The following CASK variants were observed in gnomAD, a reference collection of about 807,000 sequenced individuals.
The protein encoded by CASK is peripheral plasma membrane protein CASK.
Under a neutral mutation model 82.9 loss-of-function variants are expected in CASK, and 4 were observed. That is an observed-to-expected ratio of 0.05 (90% confidence interval 0.02 to 0.11). The LOEUF (loss-of-function observed/expected upper bound fraction) is 0.11. Among genes scored for constraint, CASK ranks in the 10% least tolerant of loss-of-function variants. CASK has a pLI of 1.00. For synonymous variants in CASK, 259 were observed against 253.5 expected, an observed-to-expected ratio of 1.02 and a Z score of -0.20; for missense variants, 358 against 720.9, an observed-to-expected ratio of 0.50 and a Z score of 5.76.
intron 5 of CASK, among the ~76,000 whole-genome samples, chrX:41,702,307 C>T (rs1300762186): frequency 9.1e-6 from 1 of 110,273 alleles, no homozygotes; most frequent in East Asian, 2.8e-4. Flanking sequence ...ATCGCTTGAA[C>T]CCGGGAGGCG....
intron 1 of CASK, among the ~76,000 whole-genome samples, chrX:41,873,449 C>T (rs1226188209): frequency 1.8e-5 from 2 of 111,654 alleles, no homozygotes; most frequent in East Asian, 5.6e-4. Flanking sequence ...AACAGTACAT[C>T]TGTTGTGCAA....
intron 9 of CASK, among the ~76,000 whole-genome samples, chrX:41,630,866 A>C (rs2147348721): frequency 8.9e-6 from 1 of 111,881 alleles, no homozygotes; most frequent in South Asian, 3.7e-4. Flanking sequence ...TTCAAGGTAG[A>C]GATGTTAAAG....
rs183869826 is a variant in CASK, at chrX:41,733,037, G to A, written c.429+6347C>T. Among the ~76,000 whole-genome samples, 222 of 109,688 alleles carry A rather than the reference G, an allele frequency of 2.0e-3. 2 individuals are homozygous for A. The highest frequency in any genetic ancestry group is 0.018 in the Admixed American group (181 of 10,294). ...TATATATAAAAAAAATTAGCTGAGC[G>A]TAGTGGCAGGCGCCTGTAATCTCAG... On this transcript the variant is annotated intron_variant, in intron 5 of 26. Coordinates refer to ENST00000378163, the MANE Select transcript of CASK (RefSeq NM_001367721.1).
At chrX:41,761,230 G>A (rs773313533) in intron 3 of CASK, among the ~76,000 whole-genome samples, 1 of 111,234 alleles carries the variant, frequency 9.0e-6, no homozygotes, top group East Asian at 2.8e-4. Flanking sequence ...GTTCCTTCTA[G>A]TCGCTTGTGG....
chrX:41,811,429 G>A (rs2070283015), intron 2 of CASK, among the ~76,000 whole-genome samples: 2 of 112,733 alleles, frequency 1.8e-5, no homozygotes, highest in African/African-American at 6.4e-5. Context: ...TCAGGATTAA[G>A]AAACTCACTC....
chrX:41,598,252 G>C (rs1188284670), intron 12 of CASK, among the ~76,000 whole-genome samples: 1 of 111,929 alleles, frequency 8.9e-6, no homozygotes, highest in African/African-American at 3.2e-5. Flanking sequence ...CCTAAAGATT[G>C]CATGATGGGC....
At chrX:41,545,009 T>C (rs181239490) in intron 21 of CASK, among the ~76,000 whole-genome samples, 114 of 108,684 alleles carry the variant, frequency 1.0e-3, no homozygotes, top group African/African-American at 3.6e-3. Context: ...TTTTGGGTAT[T>C]AATGTACTAG....
chrX:41,734,960 C>A (rs1215269113), intron 5 of CASK, among the ~76,000 whole-genome samples: 1 of 111,197 alleles, frequency 9.0e-6, no homozygotes, highest in Non-Finnish European at 1.9e-5. Flanking sequence ...TTACATGGTA[C>A]CATATATTCA....
At chrX:41,705,506 G>A (rs1008557584) in intron 5 of CASK, among the ~76,000 whole-genome samples, 4 of 111,326 alleles carry the variant, frequency 3.6e-5, no homozygotes, top group African/African-American at 1.3e-4. Flanking sequence ...AGTGAACTAC[G>A]ATCATGTTAC....
At chrX:41,636,995 G>A (rs1455572568) in intron 8 of CASK, among the ~76,000 whole-genome samples, 1 of 110,825 alleles carries the variant, frequency 9.0e-6, no homozygotes, top group Non-Finnish European at 1.9e-5. Flanking sequence ...GTTTCACTCT[G>A]TCGCCCAGGT....
intron 5 of CASK, chrX:41,730,179 T>C (rs1322658081): frequency 1.6e-5 from 2 of 122,493 alleles, no homozygotes; most frequent in African/African-American, 6.5e-5. Context: ...TTTCTTCACA[T>C]AGTAATTACT....
intron 1 of CASK, among the ~76,000 whole-genome samples, chrX:41,857,626 T>C (rs768107629): frequency 3.6e-5 from 4 of 111,859 alleles, no homozygotes; most frequent in Non-Finnish European, 5.6e-5. Context: ...AATAGAAGCG[T>C]TGGCCGATAA....
chrX:41,590,336 G>A (rs992926373), intron 12 of CASK, among the ~76,000 whole-genome samples: 4 of 108,286 alleles, frequency 3.7e-5, no homozygotes, highest in East Asian at 5.8e-4. Context: ...GCAAAACCCC[G>A]TCTCTACTAA....
chrX:41,770,325 C>CT (rs775441058), intron 3 of CASK, among the ~76,000 whole-genome samples: 4,588 of 101,066 alleles, frequency 0.045, 166 homozygotes, highest in African/African-American at 0.07. Context: ...TCCATCCATC[C>CT]ATCCATCCAT....
chrX:41,696,758 G>A, intron 5 of CASK: 1 of 1,176,498 alleles, frequency 8.5e-7, no homozygotes, highest in Non-Finnish European at 1.1e-6. Flanking sequence ...TGAAAATACA[G>A]TCTAGTTCTA....
intron 1 of CASK, among the ~76,000 whole-genome samples, chrX:41,907,414 A>G (rs986081663): frequency 1.8e-5 from 2 of 112,024 alleles, no homozygotes; most frequent in Non-Finnish European, 3.8e-5. Flanking sequence ...ATTCATGTGC[A>G]TCAATAAGAA....
rs2070560342 is a variant in CASK at position 41,822,283 on chromosome X, C to A, written c.172+30832G>T. 4.5e-5 allele frequency among the ~76,000 whole-genome samples: 5 copies of A among 111,353 alleles called. No individual in the cohort carries two copies. The South Asian group carries it at 1.9e-3, about 42-fold the overall frequency. On this transcript the variant is annotated intron_variant, in intron 2 of 26. Transcript: ENST00000378163. ...ATGTGTAAAAATTCAGGTGGCCAGG[C>A]GTGGTGGCTCACATCTATAATCCTA...
intron 14 of CASK, chrX:41,585,431 C>T (rs969617662): frequency 1.8e-5 from 2 of 112,563 alleles, no homozygotes; most frequent in Non-Finnish European, 3.8e-5. Flanking sequence ...ATTTCAATAA[C>T]TTGGTTAAAA....
intron 16 of CASK, among the ~76,000 whole-genome samples, chrX:41,568,047 C>G (rs2065347005): frequency 1.2e-5 from 1 of 84,051 alleles, no homozygotes; most frequent in Admixed American, 1.8e-4. Context: ...AATGAGATCA[C>G]TTGGACACAG....
Sources: gnomAD v4.1 joint callset for allele counts (sites outside exome capture counted in the v4.1 genomes callset) on GRCh38, gnomAD v4.1.1 for gene constraint, MANE v1.5 for transcripts, NCBI Gene and HGNC (gene_info 2026-07-23, HGNC 2026-07-21) for gene names.